Variants in HERC1 observed in about 807,000 individuals in gnomAD.
The protein encoded by HERC1 is probable E3 ubiquitin-protein ligase HERC1.
Under a neutral mutation model 554.3 loss-of-function variants are expected in HERC1, and 160 were observed. The observed-to-expected ratio is 0.29, with a 90% CI of 0.25 to 0.33. The LOEUF (loss-of-function observed/expected upper bound fraction) is 0.33. HERC1 is among the 10% of genes least tolerant of loss of function. The pLI is 1.00. For synonymous variants in HERC1, 2,175 were observed against 2,131.7 expected (o/e 1.02, Z -0.56); for missense variants, 4,919 against 5,918.5 (o/e 0.83, Z 5.54).
rs1370214233 is a variant in HERC1 at position 63,669,592 on chromosome 15, T to A, written c.8152A>T (p.Arg2718Trp). The change falls in exon 40 of 78, where the codon AGG becomes TGG. Residue 2718 changes from arginine (R) to tryptophan (W), a missense_variant. This residue lies in a region of HERC1 where 1,963 missense variants were observed against 2,228.6 expected (regional missense o/e 0.88). Transcript: ENST00000443617. ...GAATCAGGAGAAGTTAAACTTTGCC[T>A]CCTTCCTACTTCATCAGAAGGAGAG... Reference protein sequence around the residue: ...PTSPSDEVGRRQSLTSPDSQS... With the variant: ...PTSPSDEVGRWQSLTSPDSQS... 1 of 1,613,874 alleles carries A rather than the reference T, an allele frequency of 6.2e-7. No homozygotes were observed.
At chr15:63,651,856 T>C (rs2069701918) in intron 52 of HERC1, among the ~76,000 whole-genome samples, 1 of 151,992 alleles carries the variant, frequency 6.6e-6, no homozygotes, top group South Asian at 2.1e-4. Flanking sequence ...GCCAACATAG[T>C]GAAACCCTGT....
In HERC1 at chr15:63,630,638, G is replaced by GA. The variant is rs762777172; in HGVS notation, c.12797-4dup. Reference sequence around the variant, plus strand: ...CTCTGGCAAGCCTATCAGGCGATCTGAAAAAAACAAAACAAAAACATGTGG... The same window carrying GA: ...CTCTGGCAAGCCTATCAGGCGATCTGAAAAAAAACAAAACAAAAACATGTGG... On this transcript the variant is annotated splice_region_variant and splice_polypyrimidine_tract_variant and intron_variant, in intron 68 of 77. Coordinates refer to ENST00000443617, the MANE Select transcript of HERC1 (RefSeq NM_003922.4). The GA allele has an allele frequency of 3.2e-5, 52 of 1,603,802 alleles. 1 individual carries two copies. The Middle Eastern group carries it at 5.0e-4, about 15-fold the overall frequency.
At position 63,633,980 on chromosome 15, in the gene HERC1, T is replaced by C; in HGVS notation, c.12571-10A>G. On this transcript the variant is annotated splice_polypyrimidine_tract_variant and intron_variant, in intron 66 of 77. Coordinates refer to ENST00000443617, the MANE Select transcript of HERC1 (RefSeq NM_003922.4). ...TTAATCCACAGGCCACCTAAAGAAATAACAGCATTCCGTAAGGCAAATCAC... is the reference window on the plus strand; with the variant it reads ...TTAATCCACAGGCCACCTAAAGAAACAACAGCATTCCGTAAGGCAAATCAC... 6.2e-7 allele frequency: 1 copy of C among 1,613,738 alleles called. No individual in the cohort carries two copies. Among genetic ancestry groups the C allele is most frequent in the Non-Finnish European group, 8.5e-7 (1 of 1,179,762 alleles).
At chr15:63,833,753 G>GCGCACACACACACACACACACACA (rs1340096449) in intron 1 of HERC1, 74 bp downstream of exon 1, 13 of 46,450 alleles carry the variant, frequency 2.8e-4, no homozygotes, top group African/African-American at 6.8e-4. Context: ...ACGCGCGCGC[G>GCGCACACACACACACACACACACA]CACACACACA....
intron 10 of HERC1, among the ~76,000 whole-genome samples, chr15:63,748,152 G>A (rs1178207459): frequency 6.6e-6 from 1 of 152,072 alleles, no homozygotes; most frequent in Non-Finnish European, 1.5e-5. Context: ...CTTGAACCTG[G>A]GAAGCAGACA....
chr15:63,776,890 T>C (rs1031728356), intron 1 of HERC1, among the ~76,000 whole-genome samples: 1 of 152,238 alleles, frequency 6.6e-6, no homozygotes, highest in Non-Finnish European at 1.5e-5. Context: ...CAACAAATAC[T>C]GAATAATGAT....
intron 66 of HERC1, 28 bp from the exon 67 acceptor site, chr15:63,633,998 C>G (rs778810071): frequency 1.2e-6 from 2 of 1,613,164 alleles, no homozygotes; most frequent in Admixed American, 3.3e-5. Flanking sequence ...TTCCGTAAGG[C>G]AAATCACAAG....
chr15:63,717,109 G>A (rs1416920735), intron 21 of HERC1, among the ~76,000 whole-genome samples: 1 of 152,042 alleles, frequency 6.6e-6, no homozygotes, highest in Non-Finnish European at 1.5e-5. Flanking sequence ...AATTTTAATT[G>A]TTATCATCAG....
chr15:63,656,083 C>A lies in HERC1; in HGVS notation c.9870+5G>T. 1 of 1,610,392 alleles carries A rather than the reference C, an allele frequency of 6.2e-7. No homozygotes were observed. The highest frequency in any genetic ancestry group is 8.5e-7 in the Non-Finnish European group (1 of 1,177,288). On this transcript the variant is annotated splice_donor_5th_base_variant and intron_variant, in intron 49 of 77. Coordinates refer to ENST00000443617, the MANE Select transcript of HERC1 (RefSeq NM_003922.4). ...TAACGGGGAAAAGTACTGAAAGTAGCTTACCTGTGTACACAACTGTACAAG... is the reference window on the plus strand; with the variant it reads ...TAACGGGGAAAAGTACTGAAAGTAGATTACCTGTGTACACAACTGTACAAG...
At chr15:63,629,506 G>C (rs1365002043) in intron 69 of HERC1, among the ~76,000 whole-genome samples, 4 of 152,192 alleles carry the variant, frequency 2.6e-5, no homozygotes. Flanking sequence ...AAACATATAT[G>C]GAAGCAAATT....
intron 1 of HERC1, among the ~76,000 whole-genome samples, chr15:63,830,516 C>A (rs559519923): frequency 6.6e-6 from 1 of 151,944 alleles, no homozygotes; most frequent in East Asian, 1.9e-4. Context: ...CTAGATTAGA[C>A]CCTAGAACAA....
At chr15:63,620,282 G>A (rs1230042589) in intron 74 of HERC1, among the ~76,000 whole-genome samples, 7 of 152,114 alleles carry the variant, frequency 4.6e-5, no homozygotes, top group Non-Finnish European at 7.4e-5. Flanking sequence ...AGGTTGTTCA[G>A]TTTCCATGTA....
intron 1 of HERC1, among the ~76,000 whole-genome samples, chr15:63,785,364 G>A (rs942444505): frequency 6.6e-6 from 1 of 152,160 alleles, no homozygotes; most frequent in Non-Finnish European, 1.5e-5. Context: ...AAAGCTGTGA[G>A]CTATAAGTGC....
chr15:63,622,431 C>T lies in HERC1; in HGVS notation c.13688+384G>A, dbSNP rs145658811. The stretch of plus-strand genomic sequence containing the variant: ...CAGCCTCTGCCTCCTGGGTTCAAAT[C>T]AAGTGATTCTCCTGCCTCAGCCTCC... On this transcript the variant is annotated intron_variant, in intron 74 of 77. Coordinates refer to ENST00000443617, the MANE Select transcript of HERC1 (RefSeq NM_003922.4). Among the ~76,000 whole-genome samples the T allele has an allele frequency of 6.2e-3, 915 of 147,588 alleles. 10 individuals carry two copies. Among genetic ancestry groups the T allele is most frequent in the African/African-American group, 0.022 (865 of 40,110 alleles).
At chr15:63,714,644 G>A (rs2073463295) in intron 22 of HERC1, among the ~76,000 whole-genome samples, 2 of 147,776 alleles carry the variant, frequency 1.4e-5, no homozygotes, top group Non-Finnish European at 1.5e-5. Flanking sequence ...CCACCCCCAG[G>A]TTCAAGCGAT....
chr15:63,648,932 T>C (rs2069501643), intron 54 of HERC1, among the ~76,000 whole-genome samples: 1 of 152,202 alleles, frequency 6.6e-6, no homozygotes, highest in South Asian at 2.1e-4. Context: ...CAAAATCTTG[T>C]GAGATGCATT....
chr15:63,716,943 C>T (rs2073582406), intron 21 of HERC1, among the ~76,000 whole-genome samples: 1 of 151,858 alleles, frequency 6.6e-6, no homozygotes, highest in African/African-American at 2.4e-5. Flanking sequence ...TAACTTTGCC[C>T]CTGAACAAAC....
chr15:63,613,902 G>A (rs1205038429), intron 76 of HERC1, among the ~76,000 whole-genome samples: 1 of 152,160 alleles, frequency 6.6e-6, no homozygotes, highest in African/African-American at 2.4e-5. Context: ...AGTCTCTTCT[G>A]ATAGTAAAGG....
chr15:63,781,271 C>T (rs1008660267), intron 1 of HERC1, among the ~76,000 whole-genome samples: 6 of 152,108 alleles, frequency 3.9e-5, no homozygotes, highest in African/African-American at 1.4e-4. Context: ...CTTGACTTTA[C>T]TGTGCTGTAC....
Sources: gnomAD v4.1 joint callset for allele counts (sites outside exome capture counted in the v4.1 genomes callset) on GRCh38, gnomAD v4.1.1 for gene constraint, gnomAD v4.1.1 regional missense constraint, MANE v1.5 for transcripts, NCBI Gene and HGNC (gene_info 2026-07-23, HGNC 2026-07-21) for gene names.